HPS4: variants seen among roughly 807,000 people sequenced by gnomAD.
The protein encoded by HPS4 is HPS4 biogenesis of lysosomal organelles complex 3 subunit 2.
A neutral mutation model predicts 70.3 loss-of-function variants in HPS4; 44 were observed. The ratio of observed to expected loss-of-function variants is 0.63; its 90% confidence interval spans 0.49 to 0.80. The LOEUF is 0.80. Ranked by LOEUF, HPS4 falls within the 30% of genes least tolerant of loss-of-function variation. The probability of loss-of-function intolerance (pLI) is 0.00; values close to 1 mark genes in which losing one functional copy is unlikely to be tolerated. For synonymous variants in HPS4, 377 were observed against 355.9 expected (o/e 1.06, Z -0.67); for missense variants, 873 against 884.4 (o/e 0.99, Z 0.16).
intron 4 of HPS4, among the ~76,000 whole-genome samples, chr22:26,474,949 G>GTT (rs113093470): frequency 0.023 from 3,477 of 152,306 alleles, 151 homozygotes; most frequent in African/African-American, 0.078. Flanking sequence ...AGCAGGTGGA[G>GTT]TAACTGGAAT....
chr22:26,468,234 A>G (rs949153610), intron 8 of HPS4: 2 of 395,962 alleles, frequency 5.1e-6, no homozygotes, highest in Non-Finnish European at 9.6e-6. Flanking sequence ...CATCCTTTAC[A>G]GTCTGTCTCT....
chr22:26,472,393 G>C lies in HPS4; in HGVS notation c.410C>G (p.Thr137Arg). ...TTGCTCGATGAAGGTGTCCCACTCC[G>C]TGCTCAGTTCTTCCTGAGAACAGTT... Reference protein sequence around the residue: ...YENCSQEELSTEWDTFIEQIL... With the variant: ...YENCSQEELSREWDTFIEQIL... The change falls in exon 6 of 14, where the codon ACG becomes AGG. Residue 137 changes from threonine to arginine, a missense_variant. Coordinates refer to ENST00000398145, the MANE Select transcript of HPS4 (RefSeq NM_022081.6). 6.2e-7 allele frequency: 1 copy of C among 1,611,474 alleles called. No individual in the cohort carries two copies. The highest frequency in any genetic ancestry group is 1.3e-5 in the African/African-American group (1 of 74,998).
intron 13 of HPS4, chr22:26,453,673 G>C (rs768278011): frequency 5.5e-5 from 28 of 508,162 alleles, no homozygotes; most frequent in Non-Finnish European, 9.3e-5. Context: ...GGAGTTATAA[G>C]TATTGCATAA....
At chr22:26,458,104 C>A (rs2086505131) in intron 12 of HPS4, 137 bp from the exon 13 acceptor site, 1 of 796,210 alleles carries the variant, frequency 1.3e-6, no homozygotes, top group Non-Finnish European at 2.1e-6. Context: ...GAGACAAAGG[C>A]CCGGGGCATT....
intron 2 of HPS4, 72 bp from the exon 3 acceptor site, chr22:26,479,427 G>A (rs1466997059): frequency 6.3e-7 from 1 of 1,581,026 alleles, no homozygotes; most frequent in South Asian, 1.1e-5. Context: ...ACAGCTTCCT[G>A]TTTCCCAGCC....
chr22:26,476,874 C>T (rs2090620644), intron 4 of HPS4, 119 bp downstream of exon 4: 1 of 1,082,062 alleles, frequency 9.2e-7, no homozygotes, highest in African/African-American at 1.6e-5. Flanking sequence ...GATTACTAAA[C>T]ACAGTACATG....
At chr22:26,456,461 C>T (rs1207914220) in intron 13 of HPS4, among the ~76,000 whole-genome samples, 3 of 152,202 alleles carry the variant, frequency 2.0e-5, no homozygotes, top group Non-Finnish European at 4.4e-5. Flanking sequence ...AACATTGAGA[C>T]TATCCTGGCC....
chr22:26,471,696 GC>G (rs2146784512), intron 6 of HPS4, among the ~76,000 whole-genome samples: 1 of 152,274 alleles, frequency 6.6e-6, no homozygotes, highest in Admixed American at 6.5e-5. Flanking sequence ...GAGCCACAGT[GC>G]TACACCCCTG....
intron 13 of HPS4, among the ~76,000 whole-genome samples, chr22:26,455,728 TAATAATAATAAAATTAAAAAAA>T (rs2085996285): frequency 6.6e-6 from 1 of 151,334 alleles, no homozygotes; most frequent in Non-Finnish European, 1.5e-5. Context: ...CTAAAACTTA[TAATAATAATAAAATTAAAAAAA>T]AAAAGAAATG....
At chr22:26,483,607 T>G (rs2091547284) in intron 1 of HPS4, 67 bp downstream of exon 1, 1 of 270,478 alleles carries the variant, frequency 3.7e-6, no homozygotes, top group Non-Finnish European at 6.9e-6. Context: ...TTAGGCGGGG[T>G]CGGGTCACGC....
downstream of HPS4, among the ~76,000 whole-genome samples, chr22:26,449,859 G>A (rs2085084262): frequency 6.6e-6 from 1 of 152,186 alleles, no homozygotes; most frequent in Admixed American, 6.5e-5. Context: ...TGCTCTCACG[G>A]TTCTGGAGGC....
chr22:26,458,139 G>A (rs548597160), intron 12 of HPS4, among the ~76,000 whole-genome samples, 172 bp from the exon 13 acceptor site: 44 of 152,388 alleles, frequency 2.9e-4, no homozygotes, highest in South Asian at 4.1e-4. Context: ...GCCGCTGTGC[G>A]ATGCAGCACC....
chr22:26,469,984 G>A (rs2089508817), intron 7 of HPS4, among the ~76,000 whole-genome samples: 1 of 152,242 alleles, frequency 6.6e-6, no homozygotes, highest in South Asian at 2.1e-4. Flanking sequence ...CATGGCTGGC[G>A]AAAGAAGGGA....
downstream of HPS4, among the ~76,000 whole-genome samples, chr22:26,447,869 C>G (rs552018793): frequency 1.6e-4 from 25 of 152,304 alleles, no homozygotes; most frequent in Admixed American, 8.5e-4. Flanking sequence ...CCATATCTCC[C>G]CGCTTCCCAT....
Position 26,469,702 on chromosome 22 carries a change from GAA to G in HPS4, c.596+1015_596+1016del, listed in dbSNP as rs989441973. Among the ~76,000 whole-genome samples the G allele has an allele frequency of 4.0e-3, 221 of 55,286 alleles. 2 individuals carry two copies. Among genetic ancestry groups the G allele is most frequent in the East Asian group, 0.034 (67 of 1,974 alleles). The allele number at this position is 55,286 out of a possible 152,430, so 36.3% of individuals were successfully genotyped here. A position where few individuals can be genotyped will look rare whatever the true frequency, so the allele number is the denominator to read the frequency against. ...CTCGTCCCTACAAAAAAAAAAAAAAGAAAAAAAAATATATATATATACATTTA... is the reference window on the plus strand; with the variant it reads ...CTCGTCCCTACAAAAAAAAAAAAAAGAAAAAAATATATATATATACATTTA... On this transcript the variant is annotated intron_variant, in intron 7 of 13. Coordinates refer to ENST00000398145, the MANE Select transcript of HPS4 (RefSeq NM_022081.6).
At position 26,472,966 on chromosome 22, in the gene HPS4, A is replaced by G. The variant is rs752964686; in HGVS notation, c.277-27T>C. The G allele has an allele frequency of 6.3e-6, 10 of 1,588,654 alleles. No homozygotes were observed. In the South Asian group the frequency reaches 1.1e-4, roughly 18 times the overall value. On this transcript the variant is annotated intron_variant, in intron 4 of 13. Transcript: ENST00000398145. ...TGTAAAGAGAGAAACCAGGAAGACA[A>G]GCATCTTCCTTCTCTTTGAGTCCAA...
chr22:26,474,394 G>C (rs2090249892), intron 4 of HPS4, among the ~76,000 whole-genome samples: 1 of 148,388 alleles, frequency 6.7e-6, no homozygotes, highest in African/African-American at 2.5e-5. Flanking sequence ...AAAAAAAAAA[G>C]ATCCTTGACC....
chr22:26,469,283 C>CAAAAAA (rs5844704), intron 7 of HPS4, among the ~76,000 whole-genome samples: 1 of 105,454 alleles, frequency 9.5e-6, no homozygotes. Flanking sequence ...CCCATCTCTA[C>CAAAAAA]AAAAAAAAAA....
intron 2 of HPS4, among the ~76,000 whole-genome samples, chr22:26,480,528 A>T (rs915986473): frequency 1.3e-5 from 2 of 152,174 alleles, no homozygotes; most frequent in African/African-American, 4.8e-5. Flanking sequence ...AGCATAAACA[A>T]GCAATGGGAC....
Sources: allele counts gnomAD v4.1 joint callset (sites outside exome capture counted in the v4.1 genomes callset), GRCh38; gene constraint gnomAD v4.1.1; transcripts MANE v1.5; gene names NCBI Gene and HGNC (gene_info 2026-07-23, HGNC 2026-07-21).